The following CEP83 variants were observed in gnomAD, a reference collection of about 807,000 sequenced individuals.
The protein encoded by CEP83 is centrosomal protein of 83 kDa.
CEP83 carries 70 observed loss-of-function variants against 101.9 expected under a neutral mutation model. That is an observed-to-expected ratio of 0.69 (90% CI 0.57 to 0.84). The LOEUF (loss-of-function observed/expected upper bound fraction) is 0.84. CEP83 is among the 40% of genes least tolerant of loss of function. The probability of loss-of-function intolerance (pLI) is 0.00; values close to 1 mark genes in which losing one functional copy is unlikely to be tolerated. For missense variants in CEP83, 715 were observed against 787.2 expected, an observed-to-expected ratio of 0.91 and a Z score of 1.10; for synonymous variants, 264 against 267.9, an observed-to-expected ratio of 0.99 and a Z score of 0.14.
intron 1 of CEP83, among the ~76,000 whole-genome samples, chr12:94,448,677 C>T (rs139943450): frequency 1.1e-3 from 161 of 152,124 alleles, no homozygotes; most frequent in African/African-American, 3.7e-3. Flanking sequence ...CTCTAAATAA[C>T]CCATTGATCA....
chr12:94,439,282 C>T (rs892496488), intron 1 of CEP83, among the ~76,000 whole-genome samples: 6 of 151,878 alleles, frequency 4.0e-5, no homozygotes, highest in East Asian at 1.9e-4. Context: ...AGACCATTAG[C>T]GAGATTATCA....
chr12:94,442,023 C>T (rs2066448834), intron 1 of CEP83, among the ~76,000 whole-genome samples: 1 of 151,402 alleles, frequency 6.6e-6, no homozygotes, highest in Non-Finnish European at 1.5e-5. Context: ...GAAAAAGACA[C>T]TTGAACATGC....
At chr12:94,365,959 A>G (rs2061005576) in intron 11 of CEP83, among the ~76,000 whole-genome samples, 1 of 152,122 alleles carries the variant, frequency 6.6e-6, no homozygotes, top group African/African-American at 2.4e-5. Flanking sequence ...ATACAATGAC[A>G]TCTGGTATTT....
intron 2 of CEP83, among the ~76,000 whole-genome samples, chr12:94,432,086 G>A (rs533372244): frequency 7.4e-5 from 11 of 149,390 alleles, no homozygotes; most frequent in South Asian, 2.1e-4. Flanking sequence ...ACGGAGTCTC[G>A]CTCTGTAGCC....
chr12:94,282,378 C>T, the CEP83 span: 2 of 1,612,672 alleles, frequency 1.2e-6, no homozygotes, highest in South Asian at 2.2e-5. Flanking sequence ...AATCACCAAG[C>T]TAAACACCAT....
intron 2 of CEP83, among the ~76,000 whole-genome samples, chr12:94,433,637 G>A (rs2065799356): frequency 6.6e-6 from 1 of 151,200 alleles, no homozygotes; most frequent in Admixed American, 6.6e-5. Context: ...AGCCAAGATC[G>A]CACCACTGCA....
At chr12:94,381,604 T>C (rs1256004366) in intron 6 of CEP83, among the ~76,000 whole-genome samples, 1 of 152,170 alleles carries the variant, frequency 6.6e-6, no homozygotes, top group Non-Finnish European at 1.5e-5. Context: ...TTCTTTGTTG[T>C]TATTACCTTT....
intron 11 of CEP83, among the ~76,000 whole-genome samples, chr12:94,346,443 G>C (rs957816698): frequency 3.0e-5 from 4 of 135,128 alleles, no homozygotes; most frequent in African/African-American, 1.2e-4. Context: ...GCGAGACGCC[G>C]TCTCAAAAAA....
rs756664764 is a variant in CEP83 at position 94,379,039 on chromosome 12, C to A, written c.553G>T (p.Ala185Ser). Residue 185 changes from alanine (A) to serine (S), a missense_variant, in exon 7 of 17, where the codon GCA becomes TCA. Physicochemically the swap from Ala to Ser is moderately conservative, Grantham distance 99. Transcript: ENST00000397809. ...EGKIKYESEI[A>S]RLEEDKEELR... The stretch of plus-strand genomic sequence containing the variant: ...TCTTCTTTATCTTCCTCCAGTCTTG[C>A]AATCTAATAATAATTTTAAAGAAAG... The A allele has an allele frequency of 3.1e-6, 5 of 1,596,534 alleles. No homozygotes were observed. The highest frequency in any genetic ancestry group is 4.3e-6 in the Non-Finnish European group (5 of 1,169,222).
intron 11 of CEP83, among the ~76,000 whole-genome samples, chr12:94,345,175 G>C (rs147867008): frequency 6.6e-6 from 1 of 152,266 alleles, no homozygotes; most frequent in Non-Finnish European, 1.5e-5. Flanking sequence ...TAATCTTTTA[G>C]AAGAAAACAA....
Position 94,309,974 on chromosome 12 carries a change from A to G in CEP83, c.1945T>C (p.Phe649Leu), listed in dbSNP as rs1217951961. 1.2e-6 allele frequency: 2 copies of G among 1,611,726 alleles called. No homozygotes were observed. Among genetic ancestry groups the G allele is most frequent in the Admixed American group, 1.7e-5 (1 of 59,872 alleles). The change falls in exon 16 of 17, where the codon TTT becomes CTT. Residue 649 changes from phenylalanine (F) to leucine (L), a missense_variant. Transcript: ENST00000397809. ...PPTASINPVS[F>L]QSSAMVPSME... ...CTTGGAACCATGGCTGATGACTGAAAGCTAACAGGATTGATAGATGCTGTT... is the reference window on the plus strand; with the variant it reads ...CTTGGAACCATGGCTGATGACTGAAGGCTAACAGGATTGATAGATGCTGTT...
downstream of CEP83, among the ~76,000 whole-genome samples, chr12:94,302,993 C>T (rs1033572046): frequency 6.6e-6 from 1 of 152,214 alleles, no homozygotes; most frequent in Non-Finnish European, 1.5e-5. Context: ...AATGATTCAT[C>T]AAGCCATTGA....
At chr12:94,437,697 C>G (rs1423140779) in intron 1 of CEP83, among the ~76,000 whole-genome samples, 4 of 152,186 alleles carry the variant, frequency 2.6e-5, no homozygotes. Context: ...GAATTCACCA[C>G]TGCCAAGCCA....
chr12:94,361,077 T>C (rs796857502), intron 11 of CEP83: 49 of 152,164 alleles, frequency 3.2e-4, no homozygotes, highest in African/African-American at 1.1e-3. Context: ...ACTAGATCCA[T>C]CTCTCATCAT....
At chr12:94,414,992 GA>G (rs1009280351) in intron 2 of CEP83, among the ~76,000 whole-genome samples, 4 of 151,776 alleles carry the variant, frequency 2.6e-5, no homozygotes, top group Admixed American at 2.0e-4. Flanking sequence ...AAGGGTACAA[GA>G]AAAAAACAAA....
At chr12:94,432,674 C>T (rs1566190950) in intron 2 of CEP83, among the ~76,000 whole-genome samples, 3 of 152,044 alleles carry the variant, frequency 2.0e-5, no homozygotes, top group Non-Finnish European at 2.9e-5. Flanking sequence ...GTTCTAATGT[C>T]GCAGAGCAGA....
downstream of CEP83, chr12:94,303,749 T>TTTTC: frequency 7.4e-7 from 1 of 1,344,374 alleles, no homozygotes; most frequent in Non-Finnish European, 9.7e-7. Context: ...TTTTTTTTTT[T>TTTTC]CCCCAGGAAG....
intron 1 of CEP83, among the ~76,000 whole-genome samples, chr12:94,441,535 T>C (rs1269747701): frequency 6.6e-6 from 1 of 152,204 alleles, no homozygotes; most frequent in East Asian, 1.9e-4. Flanking sequence ...GTGACAAGGA[T>C]GTAGTGAAAA....
chr12:94,345,323 T>C (rs2059881679), intron 11 of CEP83, among the ~76,000 whole-genome samples: 1 of 152,258 alleles, frequency 6.6e-6, no homozygotes, highest in African/African-American at 2.4e-5. Flanking sequence ...TTTACATTCA[T>C]GGTTCCTGGC....
Sources: allele counts gnomAD v4.1 joint callset (sites outside exome capture counted in the v4.1 genomes callset), GRCh38; gene constraint gnomAD v4.1.1; transcripts MANE v1.5; gene names NCBI Gene and HGNC (gene_info 2026-07-23, HGNC 2026-07-21).